Variants in ADARB1 observed in about 807,000 individuals in gnomAD.
ADARB1 encodes double-stranded RNA-specific editase 1.
ADARB1 carries 10 observed loss-of-function variants against 52.4 expected under a neutral mutation model. That is an observed-to-expected ratio of 0.19 (90% CI 0.12 to 0.32). The LOEUF is 0.32. ADARB1 is among the 10% of genes least tolerant of loss of function. ADARB1 has a pLI of 1.00. For synonymous variants in ADARB1, 349 were observed against 371.1 expected, an observed-to-expected ratio of 0.94 and a Z score of 0.68; for missense variants, 643 against 922.3, an observed-to-expected ratio of 0.70 and a Z score of 3.92.
chr21:45,210,515 T>C (rs2092747106), intron 9 of ADARB1, among the ~76,000 whole-genome samples: 1 of 152,234 alleles, frequency 6.6e-6, no homozygotes, highest in South Asian at 2.1e-4. Flanking sequence ...ATAGTTACAC[T>C]TCACTGACTG....
At chr21:45,094,693 C>T (rs1161778518) in intron 1 of ADARB1, among the ~76,000 whole-genome samples, 1 of 152,130 alleles carries the variant, frequency 6.6e-6, no homozygotes, top group Non-Finnish European at 1.5e-5. Flanking sequence ...CACAGCTGCC[C>T]TTCCTGTCCT....
At chr21:45,187,644 C>A (rs2092152079) in intron 8 of ADARB1, among the ~76,000 whole-genome samples, 1 of 152,066 alleles carries the variant, frequency 6.6e-6, no homozygotes, top group African/African-American at 2.4e-5. Flanking sequence ...TAACTGTGGT[C>A]TTTTCATAAA....
At chr21:45,101,770 A>T (rs576357257) in intron 1 of ADARB1, among the ~76,000 whole-genome samples, 11 of 152,258 alleles carry the variant, frequency 7.2e-5, no homozygotes, top group Non-Finnish European at 1.6e-4. Context: ...TTAGCACACC[A>T]GTCTTGCTGA....
intron 2 of ADARB1, among the ~76,000 whole-genome samples, chr21:45,162,227 C>T (rs1192028782): frequency 6.6e-6 from 1 of 152,194 alleles, no homozygotes; most frequent in African/African-American, 2.4e-5. Context: ...TTCCAAGCTT[C>T]TGGGCACTAC....
At chr21:45,098,660 C>G (rs1217603268) in intron 1 of ADARB1, among the ~76,000 whole-genome samples, 1 of 152,194 alleles carries the variant, frequency 6.6e-6, no homozygotes, top group South Asian at 2.1e-4. Flanking sequence ...CTGCCTCATT[C>G]CCGTGAGGAT....
chr21:45,101,037 G>C (rs2086983409), intron 1 of ADARB1: 1 of 152,732 alleles, frequency 6.5e-6, no homozygotes, highest in Non-Finnish European at 1.5e-5. Flanking sequence ...AGTGCGGATC[G>C]GGCCGCCATG....
At chr21:45,137,845 A>G (rs1232033951) in intron 2 of ADARB1, among the ~76,000 whole-genome samples, 1 of 151,638 alleles carries the variant, frequency 6.6e-6, no homozygotes, top group Non-Finnish European at 1.5e-5. Flanking sequence ...TTCCAGGGAG[A>G]TGGCATGGGA....
At chr21:45,132,892 A>AAG (rs889804152) in intron 2 of ADARB1, among the ~76,000 whole-genome samples, 1 of 152,236 alleles carries the variant, frequency 6.6e-6, no homozygotes, top group African/African-American at 2.4e-5. Context: ...ACGAAGAAGA[A>AAG]AGAGAAGGGG....
At chr21:45,095,306 G>A (rs1023046086) in intron 1 of ADARB1, among the ~76,000 whole-genome samples, 2 of 152,228 alleles carry the variant, frequency 1.3e-5, no homozygotes, top group Non-Finnish European at 2.9e-5. Context: ...GGCCTTTGCC[G>A]TGAGCTCTGA....
chr21:45,205,449 C>T (rs575408848), intron 9 of ADARB1, among the ~76,000 whole-genome samples: 30 of 152,222 alleles, frequency 2.0e-4, no homozygotes, highest in South Asian at 4.2e-4. Context: ...GCCAGGTCTC[C>T]GGGACGTTTA....
intron 2 of ADARB1, among the ~76,000 whole-genome samples, chr21:45,156,547 TCATC>T (rs1341187709): frequency 2.5e-5 from 2 of 79,640 alleles, no homozygotes; most frequent in African/African-American, 4.9e-5. Context: ...CATCATCCAT[TCATC>T]CATCCATCCA....
At chr21:45,179,679 C>G (rs1265193432) in intron 4 of ADARB1, among the ~76,000 whole-genome samples, 1 of 152,154 alleles carries the variant, frequency 6.6e-6, no homozygotes, top group Non-Finnish European at 1.5e-5. Context: ...GTACATGATT[C>G]TATCGTACCG....
chr21:45,091,816 T>C (rs572443440), intron 1 of ADARB1, among the ~76,000 whole-genome samples: 1 of 152,340 alleles, frequency 6.6e-6, no homozygotes, highest in Non-Finnish European at 1.5e-5. Flanking sequence ...AGATCGAGTT[T>C]AACCGTGGGC....
intron 2 of ADARB1, among the ~76,000 whole-genome samples, chr21:45,144,247 GA>G (rs2089898384): frequency 6.6e-6 from 1 of 152,064 alleles, no homozygotes; most frequent in Non-Finnish European, 1.5e-5. Context: ...TATAAGAGTA[GA>G]AAAATGCTTT....
At chr21:45,187,569 AC>A (rs1206077678) in intron 8 of ADARB1, among the ~76,000 whole-genome samples, 1 of 152,226 alleles carries the variant, frequency 6.6e-6, no homozygotes, top group Admixed American at 6.5e-5. Flanking sequence ...GCAAAAGTGG[AC>A]ATCCTTGCAT....
intron 2 of ADARB1, among the ~76,000 whole-genome samples, chr21:45,171,368 C>T (rs1002262817): frequency 5.9e-5 from 9 of 152,310 alleles, no homozygotes; most frequent in African/African-American, 1.9e-4. Context: ...GGAGAATCCA[C>T]GCGAGACGTC....
chr21:45,191,926 G>T (rs2146270976), intron 8 of ADARB1, among the ~76,000 whole-genome samples: 1 of 121,666 alleles, frequency 8.2e-6, no homozygotes, highest in Non-Finnish European at 1.6e-5. Context: ...TTATCTTCAT[G>T]GTCATCCTCA....
chr21:45,114,784 G>A (rs1037538641), intron 1 of ADARB1, among the ~76,000 whole-genome samples: 3 of 152,226 alleles, frequency 2.0e-5, no homozygotes, highest in African/African-American at 7.2e-5. Context: ...CTTTGCTGCA[G>A]CCATCTGCAG....
chr21:45,120,936 T>C (rs1398329877), intron 1 of ADARB1: 1 of 152,254 alleles, frequency 6.6e-6, no homozygotes, highest in East Asian at 1.9e-4. Flanking sequence ...GATTCTCACA[T>C]CTGAAGCCAG....
Sources: allele counts gnomAD v4.1 joint callset (sites outside exome capture counted in the v4.1 genomes callset), GRCh38; gene constraint gnomAD v4.1.1; transcripts MANE v1.5; gene names NCBI Gene and HGNC (gene_info 2026-07-23, HGNC 2026-07-21).